The following PEX5L variants were observed in gnomAD, a reference collection of about 807,000 sequenced individuals.
PEX5L encodes peroxisomal biogenesis factor 5 like, also known as PEX5-related protein.
In PEX5L, 30 loss-of-function variants were observed where a neutral mutation model predicts 84.0. The observed-to-expected ratio is 0.36, with a 90% confidence interval of 0.27 to 0.48. The LOEUF is 0.48. Among genes scored for constraint, PEX5L ranks in the 20% least tolerant of loss-of-function variants. The probability of loss-of-function intolerance (pLI) is 0.99; values close to 1 mark genes in which losing one functional copy is unlikely to be tolerated. For synonymous variants in PEX5L, 270 were observed against 283.1 expected (o/e 0.95, Z 0.46); for missense variants, 533 against 754.6 (o/e 0.71, Z 3.44).
intron 1 of PEX5L, among the ~76,000 whole-genome samples, chr3:180,025,748 A>G (rs1206536082): frequency 2.6e-5 from 4 of 152,250 alleles, no homozygotes; most frequent in Admixed American, 2.6e-4. Flanking sequence ...CAACAGGTAT[A>G]ACAGGCACGC....
chr3:179,813,407 C>A (rs1010652885), intron 10 of PEX5L, among the ~76,000 whole-genome samples: 1 of 152,168 alleles, frequency 6.6e-6, no homozygotes, highest in Non-Finnish European at 1.5e-5. Context: ...AAATACATAG[C>A]ATTTATGTAA....
At chr3:179,854,207 T>C (rs144888683) in intron 8 of PEX5L, among the ~76,000 whole-genome samples, 1 of 151,640 alleles carries the variant, frequency 6.6e-6, no homozygotes, top group Non-Finnish European at 1.5e-5. Flanking sequence ...ATATAAGGCT[T>C]AGCTAGAGCT....
intron 1 of PEX5L, among the ~76,000 whole-genome samples, chr3:179,991,860 T>C (rs1787409077): frequency 6.6e-6 from 1 of 152,224 alleles, no homozygotes; most frequent in Non-Finnish European, 1.5e-5. Flanking sequence ...AAATCATAGG[T>C]AGACATAACA....
intron 8 of PEX5L, among the ~76,000 whole-genome samples, chr3:179,857,244 G>C (rs1397404372): frequency 6.6e-6 from 1 of 152,188 alleles, no homozygotes; most frequent in Admixed American, 6.5e-5. Context: ...CAGGAGATGT[G>C]GCTTGCTGGG....
At chr3:179,811,213 ATGTATGTG>A (rs761952081) in intron 11 of PEX5L, among the ~76,000 whole-genome samples, 5 of 60,034 alleles carry the variant, frequency 8.3e-5, no homozygotes, top group South Asian at 1.2e-3. Context: ...AACATATGGA[ATGTATGTG>A]TGTGTGTGTG....
In PEX5L at chr3:179,949,805, A is replaced by C. The variant is rs187500852; in HGVS notation, c.93+21789T>G. Among the ~76,000 whole-genome samples, 21 of 152,346 alleles carry C rather than the reference A, an allele frequency of 1.4e-4. No individual in the cohort carries two copies. The South Asian group carries it at 2.5e-3, about 18-fold the overall frequency. On this transcript the variant is annotated intron_variant, in intron 2 of 14. Coordinates refer to ENST00000467460, the MANE Select transcript of PEX5L (RefSeq NM_016559.3). ...ACCTAGAGGGACAGGCATTTATTAA[A>C]AACCTGCTATAAGCAGGAGAGTGCT... is the stretch of plus-strand genomic sequence containing the variant.
At chr3:179,804,281 T>G (rs527817766) in intron 14 of PEX5L, 32 of 152,290 alleles carry the variant, frequency 2.1e-4, no homozygotes, top group African/African-American at 6.5e-4. Flanking sequence ...GTGAATAGTT[T>G]TCAAATGTTT....
At chr3:179,997,020 C>T (rs1187906271) in intron 1 of PEX5L, among the ~76,000 whole-genome samples, 3 of 152,170 alleles carry the variant, frequency 2.0e-5, no homozygotes, top group Non-Finnish European at 2.9e-5. Context: ...AATCATAGCT[C>T]CTCAATCAAT....
chr3:179,959,060 GAA>G lies in PEX5L; in HGVS notation c.93+12532_93+12533del, dbSNP rs11367594. Among the ~76,000 whole-genome samples, 68 of 146,426 alleles carry G rather than the reference GAA, an allele frequency of 4.6e-4. 1 individual carries two copies. Among genetic ancestry groups the G allele is most frequent in the Admixed American group, 8.1e-4 (12 of 14,784 alleles). ...AAACAAAACAAACAAAAACAAAACC[GAA>G]AAAAAAAAAATAAAAAAAACCAGAT... On this transcript the variant is annotated intron_variant, in intron 2 of 14. Transcript: ENST00000467460.
At chr3:179,870,454 G>A (rs949460695) in intron 7 of PEX5L, among the ~76,000 whole-genome samples, 3 of 138,190 alleles carry the variant, frequency 2.2e-5, no homozygotes, top group Admixed American at 7.3e-5. Context: ...TCCTCGGGGA[G>A]ATGGATTTGA....
intron 2 of PEX5L, among the ~76,000 whole-genome samples, chr3:179,912,833 T>G (rs1305403639): frequency 2.0e-5 from 3 of 152,092 alleles, no homozygotes; most frequent in African/African-American, 4.8e-5. Flanking sequence ...ACCAGCTCGT[T>G]TAAAGGATTC....
In PEX5L at chr3:179,874,730, TTTTTTTTG is replaced by T. The variant is rs548208625; in HGVS notation, c.630-315_630-308del. ...CTGTTTCATAAAAAAATTATGGTTT[TTTTTTTTG>T]TTTTTTTTTTTTTTTTTTTTTTTTG... On this transcript the variant is annotated intron_variant, in intron 6 of 14. Coordinates refer to ENST00000467460, the MANE Select transcript of PEX5L (RefSeq NM_016559.3). Among the ~76,000 whole-genome samples the T allele has an allele frequency of 3.5e-3, 211 of 60,148 alleles. 2 individuals carry two copies. The highest frequency in any genetic ancestry group is 9.0e-3 in the East Asian group (16 of 1,768). 39.5% of individuals were successfully genotyped at this position (60,148 alleles called of 152,430 possible).
At chr3:179,849,950 G>A (rs1741139872) in intron 8 of PEX5L, among the ~76,000 whole-genome samples, 1 of 151,932 alleles carries the variant, frequency 6.6e-6, no homozygotes, top group Admixed American at 6.6e-5. Flanking sequence ...TGTTAGAATG[G>A]GTCAAATTAA....
intron 6 of PEX5L, 29 bp from the exon 7 acceptor site, chr3:179,874,452 C>A: frequency 8.4e-7 from 1 of 1,189,268 alleles, no homozygotes; most frequent in Non-Finnish European, 1.2e-6. Flanking sequence ...GGAAATTAAA[C>A]GTACACTAGA....
At chr3:179,970,918 G>A (rs961607423) in intron 2 of PEX5L, among the ~76,000 whole-genome samples, 5 of 152,102 alleles carry the variant, frequency 3.3e-5, no homozygotes, top group African/African-American at 1.2e-4. Flanking sequence ...ATAATTAACA[G>A]AGATGTTAAG....
At chr3:179,979,374 T>G (rs1227566501) in intron 1 of PEX5L, among the ~76,000 whole-genome samples, 1 of 152,202 alleles carries the variant, frequency 6.6e-6, no homozygotes, top group Non-Finnish European at 1.5e-5. Context: ...AATCATAGGA[T>G]GCAGTGACCA....
At chr3:180,001,413 C>CT (rs11392554) in intron 1 of PEX5L, among the ~76,000 whole-genome samples, 11,713 of 149,834 alleles carry the variant, frequency 0.078, 739 homozygotes, top group African/African-American at 0.17. Flanking sequence ...CTAGAGAACT[C>CT]TGACTTATAC....
intron 2 of PEX5L, among the ~76,000 whole-genome samples, chr3:179,960,800 A>T (rs1781812315): frequency 6.6e-6 from 1 of 152,088 alleles, no homozygotes; most frequent in Non-Finnish European, 1.5e-5. Context: ...AACATAGCTC[A>T]TTTTTTTCAG....
intron 3 of PEX5L, among the ~76,000 whole-genome samples, chr3:179,896,765 C>G (rs1484583659): frequency 6.6e-6 from 1 of 152,126 alleles, no homozygotes; most frequent in Non-Finnish European, 1.5e-5. Flanking sequence ...TCAAGTAGTT[C>G]TCACCTTCCA....
Sources: allele counts gnomAD v4.1 joint callset (sites outside exome capture counted in the v4.1 genomes callset), GRCh38; gene constraint gnomAD v4.1.1; transcripts MANE v1.5; gene names NCBI Gene and HGNC (gene_info 2026-07-23, HGNC 2026-07-21).